The following C8orf89 variants were observed in gnomAD, a reference collection of about 807,000 sequenced individuals.
C8orf89 encodes chromosome 8 open reading frame 89.
A neutral mutation model predicts 15.8 loss-of-function variants in C8orf89; 14 were observed. That is an observed-to-expected ratio of 0.89 (90% CI 0.59 to 1.39). The LOEUF (loss-of-function observed/expected upper bound fraction) is 1.39. C8orf89 is among the 40% of genes most tolerant of loss of function. The pLI is 0.00. For synonymous variants in C8orf89, 55 were observed against 62.2 expected (o/e 0.88, Z 0.54); for missense variants, 181 against 184.5 (o/e 0.98, Z 0.11).
intron 3 of C8orf89, among the ~76,000 whole-genome samples, chr8:73,248,713 G>C (rs111496621): frequency 0.023 from 3,445 of 152,230 alleles, 152 homozygotes; most frequent in African/African-American, 0.079. Context: ...TTGTAAATGG[G>C]ATTGTGTTCC....
intron 2 of C8orf89, among the ~76,000 whole-genome samples, chr8:73,255,039 A>G (rs1813339053): frequency 6.6e-6 from 1 of 152,134 alleles, no homozygotes; most frequent in Admixed American, 6.5e-5. Context: ...AGGCAATACC[A>G]TTCAGGACAT....
chr8:73,269,571 G>A, the C8orf89 span, among the ~76,000 whole-genome samples: 1 of 152,142 alleles, frequency 6.6e-6, no homozygotes, highest in Non-Finnish European at 1.5e-5. Context: ...CCCTTACAGC[G>A]ACTCTGGGCT....
chr8:73,254,810 G>A (rs896577920), intron 2 of C8orf89, among the ~76,000 whole-genome samples: 5 of 152,066 alleles, frequency 3.3e-5, no homozygotes, highest in African/African-American at 7.2e-5. Flanking sequence ...CAGAAATAAC[G>A]CCACATATCT....
chr8:73,260,525 T>TA (rs1813506204), upstream of C8orf89, among the ~76,000 whole-genome samples: 1 of 151,976 alleles, frequency 6.6e-6, no homozygotes, highest in South Asian at 2.1e-4. Flanking sequence ...CCCTAGAACT[T>TA]AAAGTATAAT....
intron 2 of C8orf89, among the ~76,000 whole-genome samples, 186 bp downstream of exon 2, chr8:73,256,787 G>C (rs1292589367): frequency 4.5e-5 from 5 of 112,014 alleles, no homozygotes; most frequent in African/African-American, 1.7e-4. Context: ...CTCGAAAACA[G>C]AGAAAAGTGC....
chr8:73,277,584 G>A, the C8orf89 span: 1 of 763,592 alleles, frequency 1.3e-6, no homozygotes, highest in Non-Finnish European at 2.4e-6. Context: ...CTCCCAGACA[G>A]ATAAATCCCA....
At chr8:73,261,970 T>C (rs557691390), upstream of C8orf89, among the ~76,000 whole-genome samples, 156 of 152,240 alleles carry the variant, frequency 1.0e-3, 4 homozygotes, top group South Asian at 0.031. Flanking sequence ...GAAAGAAGAG[T>C]GGCTCCTTCT....
intron 2 of C8orf89, among the ~76,000 whole-genome samples, chr8:73,256,450 G>T (rs563876808): frequency 1.3e-5 from 2 of 151,836 alleles, no homozygotes; most frequent in Non-Finnish European, 2.9e-5. Flanking sequence ...TAAATCGGGG[G>T]TGGGTGCAGT....
chr8:73,257,669 A>G (rs530962641), intron 1 of C8orf89, among the ~76,000 whole-genome samples: 1 of 152,304 alleles, frequency 6.6e-6, no homozygotes, highest in Non-Finnish European at 1.5e-5. Flanking sequence ...TCTTCTACTA[A>G]CCTCACATAT....
At chr8:73,253,674 A>G (rs560450248) in intron 2 of C8orf89, among the ~76,000 whole-genome samples, 1 of 151,580 alleles carries the variant, frequency 6.6e-6, no homozygotes, top group African/African-American at 2.4e-5. Context: ...TTGGATTCCT[A>G]GGTATTTTAT....
the C8orf89 span, among the ~76,000 whole-genome samples, chr8:73,278,677 G>C: frequency 2.0e-5 from 3 of 152,156 alleles, no homozygotes; most frequent in Non-Finnish European, 2.9e-5. Flanking sequence ...TTGTTGAGAA[G>C]CCCAATACTG....
the C8orf89 span, among the ~76,000 whole-genome samples, chr8:73,279,951 C>T: frequency 6.6e-6 from 1 of 152,210 alleles, no homozygotes; most frequent in East Asian, 1.9e-4. Context: ...CCGTCCTGAG[C>T]CTTCAAATCT....
the C8orf89 span, among the ~76,000 whole-genome samples, chr8:73,271,685 T>C: frequency 6.6e-6 from 1 of 152,212 alleles, no homozygotes; most frequent in Non-Finnish European, 1.5e-5. Context: ...CCTAACTAAA[T>C]GCCTAGTGTA....
chr8:73,281,307 TTATAA>T, the C8orf89 span, among the ~76,000 whole-genome samples: 6 of 152,170 alleles, frequency 3.9e-5, no homozygotes, highest in Admixed American at 1.3e-4. Flanking sequence ...CCTGTATTTC[TTATAA>T]TAGAAAAGAG....
chr8:73,278,712 G>A, the C8orf89 span, among the ~76,000 whole-genome samples: 1 of 152,014 alleles, frequency 6.6e-6, no homozygotes, highest in Non-Finnish European at 1.5e-5. Flanking sequence ...TCCAAATTTT[G>A]TTGATACTAT....
intron 2 of C8orf89, among the ~76,000 whole-genome samples, chr8:73,255,761 A>G (rs1360860518): frequency 6.6e-6 from 1 of 151,458 alleles, no homozygotes; most frequent in East Asian, 1.9e-4. Flanking sequence ...CATATACACC[A>G]TGGAATACTA....
chr8:73,269,674 G>C, the C8orf89 span, among the ~76,000 whole-genome samples: 1 of 152,254 alleles, frequency 6.6e-6, no homozygotes, highest in Admixed American at 6.5e-5. Context: ...ATTCCTGCAG[G>C]CTGTGCACTA....
At chr8:73,264,552 G>A in the C8orf89 span, among the ~76,000 whole-genome samples, 35 of 152,222 alleles carry the variant, frequency 2.3e-4, no homozygotes, top group Admixed American at 1.0e-3. Context: ...GTGCAGTGGC[G>A]CGATCTCGGC....
the C8orf89 span, among the ~76,000 whole-genome samples, chr8:73,285,704 G>GAAGCGGGCA: frequency 2.6e-5 from 4 of 152,216 alleles, no homozygotes; most frequent in Non-Finnish European, 5.9e-5. Context: ...GGTGGCTGGG[G>GAAGCGGGCA]CAGCGGGCAC....
Sources: allele counts gnomAD v4.1 joint callset (sites outside exome capture counted in the v4.1 genomes callset), GRCh38; gene constraint gnomAD v4.1.1; transcripts MANE v1.5; gene names NCBI Gene and HGNC (gene_info 2026-07-23, HGNC 2026-07-21).